The following HIPK1 variants were observed in gnomAD, a reference collection of about 807,000 sequenced individuals.
HIPK1 encodes homeodomain-interacting protein kinase 1.
A neutral mutation model predicts 117.1 loss-of-function variants in HIPK1; 28 were observed. The observed-to-expected ratio is 0.24, with a 90% CI of 0.18 to 0.33. The LOEUF (loss-of-function observed/expected upper bound fraction) is 0.33. Among genes scored for constraint, HIPK1 ranks in the 10% least tolerant of loss-of-function variants. HIPK1 has a pLI of 1.00. For missense variants in HIPK1, 1,122 were observed against 1,475.1 expected, an observed-to-expected ratio of 0.76 and a Z score of 3.92; for synonymous variants, 605 against 562.5, an observed-to-expected ratio of 1.08 and a Z score of -1.07.
rs1670626173 is a variant in HIPK1 at position 113,941,367 on chromosome 1, C to T, written c.984C>T (p.Arg328=). ...PENIMLVDPV[R]QPYRVKVIDF... Reference sequence around the variant, plus strand: ...ACATCATGCTGGTTGATCCAGTTCGCCAGCCCTACCGAGTGAAGGTCATTG... The same window carrying T: ...ACATCATGCTGGTTGATCCAGTTCGTCAGCCCTACCGAGTGAAGGTCATTG... Residue 328 remains arginine (R), a synonymous_variant, in exon 2 of 16, where the codon CGC becomes CGT. Transcript: ENST00000426820. This position sits in a 1 kb window ranked among gnomAD's most constrained non-coding sequence, Gnocchi z 4.9. The T allele has an allele frequency of 1.2e-6, 2 of 1,614,100 alleles. No homozygotes were observed. Among genetic ancestry groups the T allele is most frequent in the Admixed American group, 1.7e-5 (1 of 60,008 alleles).
intron 1 of HIPK1, chr1:113,930,070 C>T (rs1669754124): frequency 2.8e-5 from 27 of 960,096 alleles, no homozygotes; most frequent in Non-Finnish European, 3.3e-5. Context: ...TCAAAGGGCC[C>T]CTGCCTGGGA....
intron 1 of HIPK1, among the ~76,000 whole-genome samples, chr1:113,931,792 G>A (rs1341244706): frequency 6.6e-6 from 1 of 152,132 alleles, no homozygotes; most frequent in African/African-American, 2.4e-5. Flanking sequence ...CTTACACTTG[G>A]AACTTGTGCA....
In HIPK1 at chr1:113,973,151, A is replaced by T. The variant is rs781181772; in HGVS notation, c.3272A>T (p.His1091Leu). The T allele has an allele frequency of 6.2e-6, 10 of 1,605,884 alleles. No homozygotes were observed. Among genetic ancestry groups the T allele is most frequent in the Non-Finnish European group, 8.5e-6 (10 of 1,176,026 alleles). Residue 1091 changes from histidine to leucine, a missense_variant, in exon 16 of 16, where the codon CAC becomes CTC. His to Leu is a moderately conservative substitution (Grantham distance 99). Around this residue, in one of 6 missense-constraint regions of HIPK1, gnomAD observed 731 missense variants for 860.4 expected, o/e 0.85. Coordinates refer to ENST00000426820, the MANE Select transcript of HIPK1 (RefSeq NM_198268.3). ...ACCTTCCAGCATGGCAGCCCGCTACACTCGACAGGGCACCCACACCTTGCC... is the reference window on the plus strand; with the variant it reads ...ACCTTCCAGCATGGCAGCCCGCTACTCTCGACAGGGCACCCACACCTTGCC... Reference protein sequence around the residue: ...PYTFQHGSPLHSTGHPHLAPA... With the variant: ...PYTFQHGSPLLSTGHPHLAPA...
At chr1:113,972,973 C>T (rs770803114) in intron 15 of HIPK1, 51 bp from the exon 16 acceptor site, 1 of 1,500,684 alleles carries the variant, frequency 6.7e-7, no homozygotes, top group East Asian at 2.3e-5. Flanking sequence ...CCTTTGGTGC[C>T]CTGAGCTGGA....
chr1:113,951,919 C>A (rs1225011556), intron 2 of HIPK1, among the ~76,000 whole-genome samples: 2 of 145,410 alleles, frequency 1.4e-5, no homozygotes, highest in Non-Finnish European at 3.0e-5. Flanking sequence ...GCATTTCTGT[C>A]ATGAAGGGTT....
chr1:113,942,679 A>G (rs1670729573), intron 2 of HIPK1, among the ~76,000 whole-genome samples: 1 of 152,210 alleles, frequency 6.6e-6, no homozygotes, highest in South Asian at 2.1e-4. Flanking sequence ...CTTTTAATGT[A>G]GCTACCATTT....
At chr1:113,963,639 TA>T (rs1672270706) in intron 10 of HIPK1, 118 bp downstream of exon 10, 1 of 1,246,216 alleles carries the variant, frequency 8.0e-7, no homozygotes, top group Non-Finnish European at 1.1e-6. Context: ...AAAAATTTTT[TA>T]GCTTAGTCTT....
At chr1:113,951,276 T>C (rs1671347256) in intron 2 of HIPK1, 3 of 983,958 alleles carry the variant, frequency 3.0e-6, no homozygotes, top group East Asian at 2.2e-4. Context: ...ATGTCAAATA[T>C]AAATTTACAT....
At chr1:113,945,002 C>G (rs555912673) in intron 2 of HIPK1, among the ~76,000 whole-genome samples, 1 of 152,032 alleles carries the variant, frequency 6.6e-6, no homozygotes, top group Admixed American at 6.6e-5. Context: ...CATGCACCCC[C>G]ACACCTGACT....
intron 15 of HIPK1, 149 bp from the exon 16 acceptor site, chr1:113,972,875 T>G: frequency 1.3e-6 from 1 of 779,266 alleles, no homozygotes; most frequent in South Asian, 3.6e-5. Context: ...GGTGGCTGAT[T>G]TCTGACAGCA....
At chr1:113,944,885 T>C (rs375786559) in intron 2 of HIPK1, among the ~76,000 whole-genome samples, 30 of 152,286 alleles carry the variant, frequency 2.0e-4, no homozygotes, top group African/African-American at 6.5e-4. Flanking sequence ...TCCCACTTTG[T>C]CACCCAGGCT....
At chr1:113,966,106 T>G in intron 10 of HIPK1, 24 bp from the exon 11 acceptor site, 1 of 1,603,452 alleles carries the variant, frequency 6.2e-7, no homozygotes, top group Non-Finnish European at 8.5e-7. Flanking sequence ...AGTCTGGATG[T>G]TTTTTATGTG....
At chr1:113,939,327 GTTT>G (rs71090749) in intron 1 of HIPK1, among the ~76,000 whole-genome samples, 28 of 145,790 alleles carry the variant, frequency 1.9e-4, no homozygotes, top group Non-Finnish European at 2.9e-4. Flanking sequence ...TTTTTTTTCT[GTTT>G]TTTTTTTTTT....
chr1:113,952,744 T>G, intron 2 of HIPK1, 22 bp from the exon 3 acceptor site: 1 of 1,418,802 alleles, frequency 7.0e-7, no homozygotes, highest in Non-Finnish European at 9.3e-7. Context: ...TTTTTTAATC[T>G]GATATTTTTT....
chr1:113,932,215 T>C (rs1669941087), intron 1 of HIPK1: 1 of 152,178 alleles, frequency 6.6e-6, no homozygotes. Context: ...ATTTTAAGTT[T>C]TTTGAAGGTA....
At chr1:113,943,755 TGC>T (rs1670801584) in intron 2 of HIPK1, among the ~76,000 whole-genome samples, 1 of 152,236 alleles carries the variant, frequency 6.6e-6, no homozygotes, top group Non-Finnish European at 1.5e-5. Flanking sequence ...GCAGTGGATG[TGC>T]ATTCCAAATT....
At chr1:113,966,348 G>A (rs1672446362) in intron 11 of HIPK1, 76 bp downstream of exon 11, 1 of 1,356,018 alleles carries the variant, frequency 7.4e-7, no homozygotes, top group South Asian at 1.6e-5. Flanking sequence ...AATAAGGAGA[G>A]AGACTAGTAA....
chr1:113,966,863 A>C (rs1327369633), intron 11 of HIPK1, among the ~76,000 whole-genome samples: 53 of 150,494 alleles, frequency 3.5e-4, no homozygotes, highest in Non-Finnish European at 4.4e-4. Context: ...GTACCCATTA[A>C]CCATCCCTAC....
Position 113,963,494 on chromosome 1 carries a change from G to A in HIPK1, c.2211G>A (p.Ala737=), listed in dbSNP as rs548959427. ...FTLSCAAGRP[A]LVEQTAAVLQ... ...TGAGCTGCGCAGCCGGCCGGCCGGC[G>A]CTGGTTGAACAGACTGCCGCTGTAC... The change falls in exon 10 of 16, where the codon GCG becomes GCA. Residue 737 remains alanine (A), a synonymous_variant. Coordinates refer to ENST00000426820, the MANE Select transcript of HIPK1 (RefSeq NM_198268.3). 2.2e-5 allele frequency: 35 copies of A among 1,614,144 alleles called. No individual in the cohort carries two copies. The East Asian group carries it at 2.7e-4, about 12-fold the overall frequency.
Sources: allele counts gnomAD v4.1 joint callset (sites outside exome capture counted in the v4.1 genomes callset), GRCh38; gene constraint gnomAD v4.1.1; regional missense constraint gnomAD v4.1.1; non-coding constraint Gnocchi (gnomAD v3.1); transcripts MANE v1.5; gene names NCBI Gene and HGNC (gene_info 2026-07-23, HGNC 2026-07-21).